CACNA2D1: variants seen among roughly 807,000 people sequenced by gnomAD.
The protein encoded by CACNA2D1 is calcium voltage-gated channel auxiliary subunit alpha2delta 1, also known as voltage-dependent calcium channel subunit alpha-2/delta-1.
In CACNA2D1, 53 loss-of-function variants were observed where a neutral mutation model predicts 171.5. The observed-to-expected ratio is 0.31, with a 90% CI of 0.25 to 0.39. The LOEUF (loss-of-function observed/expected upper bound fraction) is 0.39, where lower values mean the gene tolerates loss of function less well. CACNA2D1 is among the 10% of genes least tolerant of loss of function. CACNA2D1 has a pLI of 1.00. For synonymous variants in CACNA2D1, 442 were observed against 443.1 expected (o/e 1.00, Z 0.03); for missense variants, 903 against 1,299.8 (o/e 0.69, Z 4.69).
chr7:82,357,861 T>TAA (rs58172656), intron 1 of CACNA2D1, among the ~76,000 whole-genome samples: 15 of 118,246 alleles, frequency 1.3e-4, no homozygotes, highest in South Asian at 2.6e-4. Flanking sequence ...TAAAGTATAA[T>TAA]AAAAAAAAAA....
chr7:82,291,988 T>TAC (rs1041391881), intron 3 of CACNA2D1, among the ~76,000 whole-genome samples: 1 of 150,820 alleles, frequency 6.6e-6, no homozygotes, highest in Non-Finnish European at 1.5e-5. Context: ...CACACATACA[T>TAC]ACACACATGC....
chr7:82,257,755 T>A (rs184365883), intron 3 of CACNA2D1, among the ~76,000 whole-genome samples: 47 of 152,316 alleles, frequency 3.1e-4, no homozygotes, highest in African/African-American at 1.1e-3. Context: ...AAAAAAATAC[T>A]GGTGTAAGAA....
intron 6 of CACNA2D1, among the ~76,000 whole-genome samples, chr7:82,087,080 C>T (rs1321752098): frequency 6.6e-6 from 1 of 152,108 alleles, no homozygotes; most frequent in Admixed American, 6.5e-5. Flanking sequence ...AGACTAGGCA[C>T]TAGAACTGAT....
rs143803324 is a variant in CACNA2D1 at position 82,095,542 on chromosome 7, G to A, written c.527-10642C>T. On this transcript the variant is annotated intron_variant, in intron 6 of 38. Coordinates refer to ENST00000356860, the MANE Select transcript of CACNA2D1 (RefSeq NM_000722.4). Reference sequence around the variant, plus strand: ...ACAGACTTCTAGTTTTCAGGAATGAGGTGGAGAAAACATTATGTACAATAG... The same window carrying A: ...ACAGACTTCTAGTTTTCAGGAATGAAGTGGAGAAAACATTATGTACAATAG... Among the ~76,000 whole-genome samples, 705 of 152,212 alleles carry A rather than the reference G, an allele frequency of 4.6e-3. 3 individuals are homozygous for A. Among genetic ancestry groups the A allele is most frequent in the African/African-American group, 0.015 (640 of 41,522 alleles).
At chr7:82,114,760 G>GAAAAAAAAAAAAAAAAA (rs34240770) in intron 6 of CACNA2D1, among the ~76,000 whole-genome samples, 2 of 103,112 alleles carry the variant, frequency 1.9e-5, no homozygotes, top group African/African-American at 3.4e-5. Context: ...CGTCCCAGAA[G>GAAAAAAAAAAAAAAAAA]AAAAAAAAAA....
At chr7:82,300,215 G>T (rs1812830586) in intron 3 of CACNA2D1, among the ~76,000 whole-genome samples, 1 of 151,844 alleles carries the variant, frequency 6.6e-6, no homozygotes, top group Admixed American at 6.6e-5. Flanking sequence ...TTAAGTAAAG[G>T]GAACAGAATG....
intron 18 of CACNA2D1, among the ~76,000 whole-genome samples, chr7:82,004,836 T>C (rs1393648821): frequency 1.3e-5 from 2 of 152,170 alleles, no homozygotes; most frequent in African/African-American, 4.8e-5. Flanking sequence ...AAAATAGGCA[T>C]AAAAATTAGG....
chr7:82,312,250 A>T (rs73376123), intron 3 of CACNA2D1, among the ~76,000 whole-genome samples: 26,925 of 152,050 alleles, frequency 0.18, 2,431 homozygotes, highest in South Asian at 0.28. Context: ...TTCTTGTTTG[A>T]TTTTGAGATT....
chr7:82,247,976 C>T lies in CACNA2D1; in HGVS notation c.295-77367G>A, dbSNP rs541999279. Among the ~76,000 whole-genome samples the T allele has an allele frequency of 4.6e-5, 7 of 152,166 alleles. No homozygotes were observed. In the East Asian group the frequency reaches 1.4e-3, roughly 29 times the overall value. Reference sequence around the variant, plus strand: ...ATGAAACCAGGAAATAACACAAATGCCAGGACTAAGCAATAGGCATTAAAC... The same window carrying T: ...ATGAAACCAGGAAATAACACAAATGTCAGGACTAAGCAATAGGCATTAAAC... On this transcript the variant is annotated intron_variant, in intron 3 of 38. Transcript: ENST00000356860.
intron 24 of CACNA2D1, among the ~76,000 whole-genome samples, chr7:81,979,080 A>G (rs1796178050): frequency 6.6e-6 from 1 of 152,060 alleles, no homozygotes; most frequent in Non-Finnish European, 1.5e-5. Context: ...ACAAATGGTC[A>G]CGTATTGTAT....
chr7:82,250,516 G>A (rs1183341458), intron 3 of CACNA2D1, among the ~76,000 whole-genome samples: 2 of 152,038 alleles, frequency 1.3e-5, no homozygotes, highest in East Asian at 3.9e-4. Context: ...AATTCTTAGG[G>A]ATCTGCACCT....
rs1359237350 is a variant in CACNA2D1, at chr7:82,053,767, T to G, written c.879+6661A>C. ...CTTTTCTGCCCTGTTTATGACATAT[T>G]AATGGAGGTATTTTAATAACTTTTA... On this transcript the variant is annotated intron_variant, in intron 10 of 38. Transcript: ENST00000356860. 2.6e-5 allele frequency among the ~76,000 whole-genome samples: 4 copies of G among 152,196 alleles called. No homozygotes were observed. In the South Asian group the frequency reaches 6.2e-4, roughly 24 times the overall value.
intron 5 of CACNA2D1, among the ~76,000 whole-genome samples, chr7:82,127,977 G>A (rs1371420562): frequency 1.3e-5 from 2 of 152,118 alleles, no homozygotes; most frequent in Non-Finnish European, 2.9e-5. Flanking sequence ...TGGCTGGAGT[G>A]CAGTGGCACA....
intron 4 of CACNA2D1, among the ~76,000 whole-genome samples, chr7:82,144,249 A>T (rs1792728895): frequency 6.6e-6 from 1 of 152,076 alleles, no homozygotes. Flanking sequence ...TGATACTAAT[A>T]CCATACTTCC....
At chr7:82,321,163 CCGAGGCA>C (rs1815795230) in intron 3 of CACNA2D1, among the ~76,000 whole-genome samples, 2 of 152,138 alleles carry the variant, frequency 1.3e-5, no homozygotes, top group African/African-American at 4.8e-5. Flanking sequence ...CTTTGGGAGG[CCGAGGCA>C]GGCAGAACAT....
intron 6 of CACNA2D1, among the ~76,000 whole-genome samples, chr7:82,102,628 C>T (rs1812812893): frequency 6.6e-6 from 1 of 152,054 alleles, no homozygotes. Context: ...GGGCAGTCTG[C>T]AGTATGTTTT....
At chr7:82,164,832 T>A (rs1420553389) in intron 4 of CACNA2D1, among the ~76,000 whole-genome samples, 1 of 151,942 alleles carries the variant, frequency 6.6e-6, no homozygotes, top group Non-Finnish European at 1.5e-5. Flanking sequence ...TTAATTTTTT[T>A]ATTTTGCAGT....
intron 30 of CACNA2D1, 28 bp downstream of exon 30, chr7:81,967,568 G>A: frequency 8.2e-7 from 1 of 1,214,252 alleles, no homozygotes; most frequent in Non-Finnish European, 1.2e-6. Flanking sequence ...ATTAAACATA[G>A]CATAAGAATT....
intron 14 of CACNA2D1, among the ~76,000 whole-genome samples, chr7:82,012,970 G>A (rs1242655515): frequency 1.3e-5 from 2 of 151,982 alleles, no homozygotes; most frequent in Admixed American, 6.6e-5. Context: ...TCAAGTGAAT[G>A]ATGTTAGAAA....
Sources: allele counts gnomAD v4.1 joint callset (sites outside exome capture counted in the v4.1 genomes callset), GRCh38; gene constraint gnomAD v4.1.1; transcripts MANE v1.5; gene names NCBI Gene and HGNC (gene_info 2026-07-23, HGNC 2026-07-21).